The following SCPEP1 variants were observed in gnomAD, a reference collection of about 807,000 sequenced individuals.
SCPEP1 encodes serine carboxypeptidase 1.
Under a neutral mutation model 63.8 loss-of-function variants are expected in SCPEP1, and 51 were observed. The observed-to-expected ratio is 0.80, with a 90% CI of 0.64 to 1.01. The LOEUF (loss-of-function observed/expected upper bound fraction) is 1.01, where lower values mean the gene tolerates loss of function less well. Ranked by LOEUF, SCPEP1 falls within the 50% of genes least tolerant of loss-of-function variation. SCPEP1 has a pLI of 0.00. For missense variants in SCPEP1, 499 were observed against 554.9 expected (o/e 0.90, Z 1.01); for synonymous variants, 204 against 207.8 (o/e 0.98, Z 0.16).
chr17:56,988,318 G>A, intron 5 of SCPEP1, 28 bp downstream of exon 5: 1 of 1,543,454 alleles, frequency 6.5e-7, no homozygotes, highest in South Asian at 1.2e-5. Flanking sequence ...TGTTGTTATG[G>A]TTTTGGACAG....
chr17:57,000,708 A>C, intron 10 of SCPEP1, 147 bp from the exon 11 acceptor site: 2 of 884,704 alleles, frequency 2.3e-6, no homozygotes, highest in Non-Finnish European at 3.6e-6. Context: ...GTCGGCACAA[A>C]TTTCTGGGCT....
rs768652503 is a variant in SCPEP1 at position 56,987,731 on chromosome 17, G to A, written c.352G>A (p.Val118Met). Residue 118 changes from valine (V) to methionine (M), a missense_variant, in exon 4 of 13, where the codon GTG (valine) becomes ATG (methionine). Transcript: ENST00000262288. ...AASLLFVDNP[V>M]GTGFSYVNGS... is the part of the protein sequence containing the mutation. ...CAGTCTCCTATTTGTGGATAATCCC[G>A]TGGGCACTGGGTTCAGTTATGTGAA... The A allele has an allele frequency of 1.5e-5, 25 of 1,613,888 alleles. No individual in the cohort carries two copies. Among genetic ancestry groups the A allele is most frequent in the African/African-American group, 8.0e-5 (6 of 74,880 alleles).
At chr17:57,003,845 TGAG>T (rs1461359656) in intron 12 of SCPEP1, among the ~76,000 whole-genome samples, 3 of 152,014 alleles carry the variant, frequency 2.0e-5, no homozygotes, top group African/African-American at 7.2e-5. Flanking sequence ...GAATGAGTAG[TGAG>T]GAGAAGAGAC....
intron 7 of SCPEP1, 111 bp downstream of exon 7, chr17:56,995,129 CTT>C: frequency 1.1e-6 from 1 of 899,768 alleles, no homozygotes; most frequent in Non-Finnish European, 1.8e-6. Context: ...GTTGACACTG[CTT>C]TTTAGGGACT....
rs143762318 is a variant in SCPEP1, at chr17:56,985,389, C to T, written c.237C>T (p.Gly79=). 2.0e-5 allele frequency: 33 copies of T among 1,613,844 alleles called. No homozygotes were observed. Among genetic ancestry groups the T allele is most frequent in the African/African-American group, 9.3e-5 (7 of 74,912 alleles). ...TCTCTCTTCCATAGGGCGGTCCAGG[C>T]GGTTCTAGCACTGGATTTGGAAACT... ...PLVMWLQGGP[G]GSSTGFGNFE... is the part of the protein sequence containing the mutation. Residue 79 remains glycine, a synonymous_variant, in exon 3 of 13, where the codon GGC becomes GGT. Transcript: ENST00000262288.
intron 12 of SCPEP1, among the ~76,000 whole-genome samples, chr17:57,003,756 T>C (rs1008218657): frequency 6.6e-6 from 1 of 152,148 alleles, no homozygotes; most frequent in Admixed American, 6.6e-5. Context: ...CTTACACCGA[T>C]GTCCTTGGCA....
chr17:56,979,975 G>A (rs73313813), intron 1 of SCPEP1, among the ~76,000 whole-genome samples: 13,131 of 151,856 alleles, frequency 0.086, 1,865 homozygotes, highest in African/African-American at 0.3. Context: ...AACTTATTTC[G>A]TTTATAGTGT....
rs2144516083 is a variant in SCPEP1 at position 57,006,427 on chromosome 17, A to T, written c.*192A>T. On this transcript the variant is annotated 3_prime_UTR_variant, in exon 13 of 13. Coordinates refer to ENST00000262288, the MANE Select transcript of SCPEP1 (RefSeq NM_021626.3). ...TTTGGAAATTATTTCTGCTTCTTAA[A>T]AAAACCTAAGATTTTTTAAAAAATT... 1.3e-5 allele frequency: 5 copies of T among 396,182 alleles called. No homozygotes were observed. The South Asian group carries it at 6.0e-4, about 48-fold the overall frequency. The allele number at this position is 396,182 out of a possible 1,614,324, so 24.5% of individuals were successfully genotyped here. A position where few individuals can be genotyped will look rare whatever the true frequency, so the allele number is the denominator to read the frequency against.
intron 3 of SCPEP1, among the ~76,000 whole-genome samples, chr17:56,986,407 A>G (rs972316355): frequency 3.3e-5 from 5 of 151,296 alleles, no homozygotes; most frequent in African/African-American, 1.2e-4. Context: ...TTTAGGAGAG[A>G]CGGGGTTTTA....
chr17:56,988,914 C>T (rs1183194569), intron 5 of SCPEP1, among the ~76,000 whole-genome samples: 1 of 152,032 alleles, frequency 6.6e-6, no homozygotes, highest in Non-Finnish European at 1.5e-5. Context: ...GGACAGAATG[C>T]AGTGGCCCAC....
In SCPEP1 at chr17:56,981,218, C is replaced by A; in HGVS notation, c.213C>A (p.Val71=). Residue 71 remains valine (V), a synonymous_variant, in exon 2 of 13, where the codon GTC becomes GTA. Coordinates refer to ENST00000262288, the MANE Select transcript of SCPEP1 (RefSeq NM_021626.3). ...AGAACTTCTCAGAACTGCCCCTGGT[C>A]ATGTGGCTTCAGGTAAAGTAGCTTC... The part of the protein sequence containing the change: ...SCKNFSELPL[V]MWLQGGPGGS... 6.2e-7 allele frequency: 1 copy of A among 1,614,098 alleles called. No homozygotes were observed. The highest frequency in any genetic ancestry group is 1.1e-5 in the South Asian group (1 of 91,048).
At chr17:56,985,174 C>T in intron 2 of SCPEP1, 1 of 606,780 alleles carries the variant, frequency 1.6e-6, no homozygotes, top group East Asian at 2.7e-5. Context: ...TAGCTCAGCT[C>T]TGCTCCTTTC....
chr17:57,001,121 C>T (rs1911729096), intron 11 of SCPEP1, 129 bp downstream of exon 11: 3 of 974,308 alleles, frequency 3.1e-6, no homozygotes, highest in South Asian at 2.9e-5. Flanking sequence ...TTTCCCATTA[C>T]ATCCGTCTAC....
At position 57,006,405 on chromosome 17, in the gene SCPEP1, G is replaced by T; in HGVS notation, c.*170G>T. 7.0e-6 allele frequency: 3 copies of T among 427,860 alleles called. No individual in the cohort carries two copies. The highest frequency in any genetic ancestry group is 1.3e-5 in the Non-Finnish European group (3 of 238,808). 26.5% of individuals were successfully genotyped at this position (427,860 alleles called of 1,614,324 possible). A position where few individuals can be genotyped will look rare whatever the true frequency, so the allele number is the denominator to read the frequency against. On this transcript the variant is annotated 3_prime_UTR_variant, in exon 13 of 13. Coordinates refer to ENST00000262288, the MANE Select transcript of SCPEP1 (RefSeq NM_021626.3). ...AAATCATTGTCTCTGGAGGCAATTT[G>T]GAAATTATTTCTGCTTCTTAAAAAA...
At chr17:56,991,239 G>A in intron 6 of SCPEP1, 68 bp downstream of exon 6, 4 of 1,182,894 alleles carry the variant, frequency 3.4e-6, no homozygotes, top group Non-Finnish European at 5.1e-6. Flanking sequence ...ACTTTGGGCT[G>A]TGTTGTCCAG....
At chr17:56,999,234 G>A (rs1158319504) in intron 10 of SCPEP1, among the ~76,000 whole-genome samples, 1 of 152,172 alleles carries the variant, frequency 6.6e-6, no homozygotes. Context: ...AGGTGCTCGG[G>A]CAGATTTTGA....
At position 56,987,565 on chromosome 17, in the gene SCPEP1, A is replaced by G. The variant is rs1876594022; in HGVS notation, c.316-130A>G. ...CTTATTTTTAAAAATCTCTTTTAGCAACAGGGATATCATCACCACGCTGGT... is the reference window on the plus strand; with the variant it reads ...CTTATTTTTAAAAATCTCTTTTAGCGACAGGGATATCATCACCACGCTGGT... On this transcript the variant is annotated intron_variant, in intron 3 of 12. Transcript: ENST00000262288. 9 of 763,548 alleles carry G rather than the reference A, an allele frequency of 1.2e-5. No homozygotes were observed. The Admixed American group carries it at 1.2e-4, about 10-fold the overall frequency. 47.3% of individuals were successfully genotyped at this position (763,548 alleles called of 1,614,324 possible). A position where few individuals can be genotyped will look rare whatever the true frequency, so the allele number is the denominator to read the frequency against.
At chr17:56,989,390 G>T (rs181424488) in intron 5 of SCPEP1, among the ~76,000 whole-genome samples, 4 of 152,152 alleles carry the variant, frequency 2.6e-5, no homozygotes, top group Admixed American at 6.6e-5. Context: ...AATAAGTGCT[G>T]TCGTGCACTT....
At chr17:56,980,696 G>A (rs930352376) in intron 1 of SCPEP1, among the ~76,000 whole-genome samples, 1 of 150,798 alleles carries the variant, frequency 6.6e-6, no homozygotes, top group Admixed American at 6.6e-5. Context: ...GCTGAGGCAG[G>A]AGAATCGCTT....
Sources: gnomAD v4.1 joint callset for allele counts (sites outside exome capture counted in the v4.1 genomes callset) on GRCh38, gnomAD v4.1.1 for gene constraint, MANE v1.5 for transcripts, NCBI Gene and HGNC (gene_info 2026-07-23, HGNC 2026-07-21) for gene names.